The following JCAD variants were observed in gnomAD, a reference collection of about 807,000 sequenced individuals.
JCAD encodes the protein junctional cadherin 5-associated protein.
In JCAD, 40 loss-of-function variants were observed where a neutral mutation model predicts 98.0. The ratio of observed to expected loss-of-function variants is 0.41; its 90% CI spans 0.32 to 0.53. JCAD has a LOEUF of 0.53. Ranked by LOEUF, JCAD falls within the 20% of genes least tolerant of loss-of-function variation. The pLI is 0.31. For synonymous variants in JCAD, 691 were observed against 682.3 expected, an observed-to-expected ratio of 1.01 and a Z score of -0.20; for missense variants, 1,705 against 1,738.1, an observed-to-expected ratio of 0.98 and a Z score of 0.34.
intron 2 of JCAD, among the ~76,000 whole-genome samples, chr10:30,069,265 A>C (rs1347865429): frequency 2.0e-5 from 3 of 152,028 alleles, no homozygotes; most frequent in Admixed American, 2.0e-4. Flanking sequence ...GGGCCAAAGC[A>C]TTAGCTGAGG....
At chr10:30,095,645 C>T (rs931717187) in intron 1 of JCAD, among the ~76,000 whole-genome samples, 2 of 152,180 alleles carry the variant, frequency 1.3e-5, no homozygotes, top group African/African-American at 4.8e-5. Context: ...ATTTGCTCAC[C>T]TGTGGAACTC....
intron 3 of JCAD, among the ~76,000 whole-genome samples, chr10:30,019,893 T>C (rs1436949669): frequency 6.7e-6 from 1 of 149,254 alleles, no homozygotes; most frequent in Non-Finnish European, 1.5e-5. Context: ...CTTAAATATA[T>C]GCAATTTTTG....
chr10:30,047,524 A>C lies in JCAD; in HGVS notation c.281+8T>G. The C allele has an allele frequency of 6.2e-7, 1 of 1,608,106 alleles. No homozygotes were observed. The highest frequency in any genetic ancestry group is 8.5e-7 in the Non-Finnish European group (1 of 1,177,778). ...AAAAGAAAACGGTGGGTTCACAGTGAAACTTACCCCGCCTCCGAGGTTCTG... is the reference window on the plus strand; with the variant it reads ...AAAAGAAAACGGTGGGTTCACAGTGCAACTTACCCCGCCTCCGAGGTTCTG... On this transcript the variant is annotated splice_region_variant and intron_variant, in intron 2 of 3. Coordinates refer to ENST00000375377, the MANE Select transcript of JCAD (RefSeq NM_020848.4).
At chr10:30,032,014 A>G (rs906653907) in intron 2 of JCAD, among the ~76,000 whole-genome samples, 3 of 152,126 alleles carry the variant, frequency 2.0e-5, no homozygotes, top group Admixed American at 6.5e-5. Context: ...TCGGCCTCCC[A>G]AAGTGCTGGG....
intron 1 of JCAD, among the ~76,000 whole-genome samples, chr10:30,089,148 G>A (rs1838215286): frequency 1.3e-5 from 2 of 152,064 alleles, no homozygotes; most frequent in South Asian, 4.2e-4. Context: ...CTGTGCTGGG[G>A]GTGGAGGCTG....
chr10:30,034,467 C>T (rs924251577), intron 2 of JCAD, among the ~76,000 whole-genome samples: 7 of 152,298 alleles, frequency 4.6e-5, no homozygotes, highest in Admixed American at 3.3e-4. Context: ...TAGGAGGTCA[C>T]AATTTCTGTG....
chr10:30,033,305 T>C (rs1837040033), intron 2 of JCAD, among the ~76,000 whole-genome samples: 1 of 152,244 alleles, frequency 6.6e-6, no homozygotes, highest in Non-Finnish European at 1.5e-5. Flanking sequence ...TTTACCAGTG[T>C]TGGACATTGA....
At chr10:30,066,930 C>G (rs116087136) in intron 2 of JCAD, among the ~76,000 whole-genome samples, 1,836 of 152,106 alleles carry the variant, frequency 0.012, 30 homozygotes, top group Middle Eastern at 0.054. Flanking sequence ...CCAGGGGGCA[C>G]AGGTTGCAGT....
intron 1 of JCAD, among the ~76,000 whole-genome samples, chr10:30,100,601 C>T (rs1409661703): frequency 6.6e-6 from 1 of 152,202 alleles, no homozygotes; most frequent in African/African-American, 2.4e-5. Flanking sequence ...CCACGCTGGT[C>T]TCGAACTCCG....
intron 2 of JCAD, among the ~76,000 whole-genome samples, chr10:30,033,651 T>C (rs562589297): frequency 1.3e-5 from 2 of 152,314 alleles, no homozygotes; most frequent in South Asian, 4.2e-4. Flanking sequence ...CATTTTGTGG[T>C]TTCGAATGAT....
intron 3 of JCAD, among the ~76,000 whole-genome samples, chr10:30,025,535 AAGGGGAGGGG>A (rs77184322): frequency 0.055 from 533 of 9,642 alleles, 41 homozygotes; most frequent in African/African-American, 0.12. Context: ...AAAAAATGGG[AAGGGGAGGGG>A]AGGGGAGGGG....
At chr10:30,086,816 T>A (rs989552613) in intron 1 of JCAD, among the ~76,000 whole-genome samples, 2 of 152,264 alleles carry the variant, frequency 1.3e-5, no homozygotes, top group African/African-American at 4.8e-5. Context: ...TAGATCAGAC[T>A]GAGAAGTCAG....
chr10:30,103,365 T>C (rs1383142374), intron 1 of JCAD, among the ~76,000 whole-genome samples: 2 of 152,126 alleles, frequency 1.3e-5, no homozygotes, highest in Admixed American at 1.3e-4. Context: ...CCTCAAAAAT[T>C]AAAAGTAGAA....
intron 2 of JCAD, among the ~76,000 whole-genome samples, chr10:30,042,752 G>A (rs567756935): frequency 7.9e-4 from 120 of 152,216 alleles, no homozygotes; most frequent in Non-Finnish European, 1.3e-3. Flanking sequence ...TGAATGGTCC[G>A]TGAATCTCTC....
intron 2 of JCAD, among the ~76,000 whole-genome samples, chr10:30,068,553 T>A (rs929013966): frequency 6.6e-6 from 1 of 152,212 alleles, no homozygotes; most frequent in African/African-American, 2.4e-5. Context: ...TACATGATAC[T>A]TGGTTCAGCT....
chr10:30,039,196 C>T (rs1837188544), intron 2 of JCAD, among the ~76,000 whole-genome samples: 1 of 152,220 alleles, frequency 6.6e-6, no homozygotes, highest in South Asian at 2.1e-4. Flanking sequence ...TGATAGAGGA[C>T]CCTGTCCCTC....
chr10:30,027,573 T>TGCC lies in JCAD; in HGVS notation c.2574_2575insGGC (p.Ser858_Ser859insGly). 1 of 1,553,070 alleles carries TGCC rather than the reference T, an allele frequency of 6.4e-7. No individual in the cohort carries two copies. ...TGCGGCTCCGCCTCACTCTCCTCAC[T>TGCC]GCTGCTGCTGCTGCTGCTGCTGCTA... On this transcript the variant is annotated inframe_insertion, in exon 3 of 4. Transcript: ENST00000375377.
At chr10:30,052,231 G>A (rs928100357) in intron 1 of JCAD, among the ~76,000 whole-genome samples, 5 of 152,192 alleles carry the variant, frequency 3.3e-5, no homozygotes, top group African/African-American at 9.7e-5. Context: ...CATGGTGCAC[G>A]GTATTTATCT....
intron 1 of JCAD, among the ~76,000 whole-genome samples, chr10:30,071,275 C>T (rs899169782): frequency 7.9e-5 from 12 of 152,174 alleles, no homozygotes; most frequent in Admixed American, 3.9e-4. Context: ...CCTCACATGA[C>T]AAATTGTCCT....
Sources: gnomAD v4.1 joint callset for allele counts (sites outside exome capture counted in the v4.1 genomes callset) on GRCh38, gnomAD v4.1.1 for gene constraint, MANE v1.5 for transcripts, NCBI Gene and HGNC (gene_info 2026-07-23, HGNC 2026-07-21) for gene names.